The following GPBP1L1 variants were observed in gnomAD, a reference collection of about 807,000 sequenced individuals.
GPBP1L1 encodes the protein GC-rich promoter binding protein 1 like 1.
In GPBP1L1, 23 loss-of-function variants were observed where a neutral mutation model predicts 52.5. The observed-to-expected ratio is 0.44, with a 90% CI of 0.32 to 0.62. The LOEUF (loss-of-function observed/expected upper bound fraction) is 0.62, where lower values mean the gene tolerates loss of function less well. Ranked by LOEUF, GPBP1L1 falls within the 20% of genes least tolerant of loss-of-function variation. The pLI, the probability that GPBP1L1 is intolerant of heterozygous loss-of-function variation, is 0.06. For missense variants in GPBP1L1, 596 were observed against 579.3 expected, an observed-to-expected ratio of 1.03 and a Z score of -0.30; for synonymous variants, 243 against 203.1, an observed-to-expected ratio of 1.20 and a Z score of -1.67.
At chr1:45,678,601 CTAAATA>C in intron 2 of GPBP1L1, among the ~76,000 whole-genome samples, 1 of 152,046 alleles carries the variant, frequency 6.6e-6, no homozygotes, top group East Asian at 1.9e-4. Flanking sequence ...AAAGAACAAG[CTAAATA>C]ATACCATAAG....
intron 6 of GPBP1L1, chr1:45,651,114 TC>T: frequency 2.0e-6 from 1 of 503,948 alleles, no homozygotes; most frequent in Non-Finnish European, 3.9e-6. Flanking sequence ...GGACATTGCC[TC>T]CCCAGTGATG....
chr1:45,647,166 A>ATTTTTT (rs778113669), intron 6 of GPBP1L1, among the ~76,000 whole-genome samples: 17 of 112,632 alleles, frequency 1.5e-4, no homozygotes, highest in African/African-American at 2.4e-4. Flanking sequence ...ACTTCTTAGG[A>ATTTTTT]TTTTTTTTTT....
rs571416321 is a variant in GPBP1L1, at chr1:45,631,895, C to G, written c.1045-1289G>C. On this transcript the variant is annotated intron_variant, in intron 10 of 12. Transcript: ENST00000355105. ...TGATCATTAATGCCACTGCATTCAGCCTGGGCGACAGAGTGAGACACTGTC... is the reference window on the plus strand; with the variant it reads ...TGATCATTAATGCCACTGCATTCAGGCTGGGCGACAGAGTGAGACACTGTC... 2.0e-5 allele frequency among the ~76,000 whole-genome samples: 3 copies of G among 152,134 alleles called. No homozygotes were observed. The South Asian group carries it at 6.2e-4, about 32-fold the overall frequency.
chr1:45,659,158 T>A lies in GPBP1L1; in HGVS notation c.-55-16A>T. 3 of 1,385,730 alleles carry A rather than the reference T, an allele frequency of 2.2e-6. No homozygotes were observed. The highest frequency in any genetic ancestry group is 3.1e-6 in the Non-Finnish European group (3 of 975,766). 85.8% of individuals were successfully genotyped at this position (1,385,730 alleles called of 1,614,324 possible). A position where few individuals can be genotyped will look rare whatever the true frequency, so the allele number is the denominator to read the frequency against. On this transcript the variant is annotated splice_polypyrimidine_tract_variant and intron_variant, in intron 3 of 12. Transcript: ENST00000355105. ...TGGCCAGGATCTGAAAACAAAACAATTCAAATCACTTATGTTTACAAGAAT... is the reference window on the plus strand; with the variant it reads ...TGGCCAGGATCTGAAAACAAAACAAATCAAATCACTTATGTTTACAAGAAT...
chr1:45,654,479 A>G, intron 6 of GPBP1L1, 64 bp downstream of exon 6: 1 of 1,381,006 alleles, frequency 7.2e-7, no homozygotes, highest in Middle Eastern at 2.0e-4. Context: ...CATTACTAAC[A>G]GGGTCTCATA....
rs1251011744 is a variant in GPBP1L1 at position 45,628,022 on chromosome 1, GAGTGTGTT to G, written c.*226_*233del. The stretch of plus-strand genomic sequence containing the variant: ...TGGGTGTGTATGTGTGTGTGTGTGT[GAGTGTGTT>G]TAAAAAATCTGTCCCACCACACAAA... On this transcript the variant is annotated 3_prime_UTR_variant, in exon 13 of 13. Transcript: ENST00000355105. The G allele has an allele frequency of 2.1e-6, 1 of 478,948 alleles. No individual in the cohort carries two copies. Among genetic ancestry groups the G allele is most frequent in the African/African-American group, 2.0e-5 (1 of 51,040 alleles). 29.7% of individuals were successfully genotyped at this position (478,948 alleles called of 1,614,324 possible).
At position 45,627,996 on chromosome 1, in the gene GPBP1L1, C is replaced by T; in HGVS notation, c.*260G>A. ...CTACCTGTGCATCGCCCCATATATACTGGGTGTGTATGTGTGTGTGTGTGT... is the reference window on the plus strand; with the variant it reads ...CTACCTGTGCATCGCCCCATATATATTGGGTGTGTATGTGTGTGTGTGTGT... On this transcript the variant is annotated 3_prime_UTR_variant, in exon 13 of 13. Transcript: ENST00000355105. 1 of 380,638 alleles carries T rather than the reference C, an allele frequency of 2.6e-6. No homozygotes were observed. Among genetic ancestry groups the T allele is most frequent in the Non-Finnish European group, 4.8e-6 (1 of 206,964 alleles). 23.6% of individuals were successfully genotyped at this position (380,638 alleles called of 1,614,324 possible). A position where few individuals can be genotyped will look rare whatever the true frequency, so the allele number is the denominator to read the frequency against.
intron 7 of GPBP1L1, among the ~76,000 whole-genome samples, chr1:45,641,012 C>T (rs1208951104): frequency 6.6e-6 from 1 of 151,804 alleles, no homozygotes; most frequent in East Asian, 1.9e-4. Flanking sequence ...CAGACCCTAA[C>T]TCAAAAAAAC....
intron 6 of GPBP1L1, among the ~76,000 whole-genome samples, chr1:45,647,841 G>A (rs1442962737): frequency 1.3e-5 from 2 of 152,126 alleles, no homozygotes; most frequent in South Asian, 2.1e-4. Context: ...TCAGCCCTGG[G>A]GTGGTGGTAG....
chr1:45,660,871 C>A lies in GPBP1L1; in HGVS notation c.-743G>T, dbSNP rs1644939698. The A allele has an allele frequency of 6.6e-6, 1 of 152,138 alleles. No homozygotes were observed. The highest frequency in any genetic ancestry group is 1.5e-5 in the Non-Finnish European group (1 of 68,034). 9.4% of individuals were successfully genotyped at this position (152,138 alleles called of 1,614,324 possible). A position where few individuals can be genotyped will look rare whatever the true frequency, so the allele number is the denominator to read the frequency against. The stretch of plus-strand genomic sequence containing the variant: ...TAAAAATAGACAGGAATTTGCTACA[C>A]TTTTCCCTCCACGAACAGCAGCTTT... On this transcript the variant is annotated 5_prime_UTR_variant, in exon 3 of 13. Transcript: ENST00000355105.
chr1:45,676,710 CAA>C (rs1189531708), intron 2 of GPBP1L1, among the ~76,000 whole-genome samples: 22 of 63,262 alleles, frequency 3.5e-4, no homozygotes, highest in African/African-American at 6.1e-4. Flanking sequence ...AACTCTGTCT[CAA>C]AAAAAAAAAA....
intron 8 of GPBP1L1, 49 bp downstream of exon 8, chr1:45,640,161 T>C: frequency 6.9e-7 from 1 of 1,442,016 alleles, no homozygotes; most frequent in Non-Finnish European, 9.5e-7. Context: ...TCCTGATTTA[T>C]TCCCAAACCT....
chr1:45,674,439 C>T (rs1645114641), intron 2 of GPBP1L1, among the ~76,000 whole-genome samples: 1 of 152,216 alleles, frequency 6.6e-6, no homozygotes, highest in South Asian at 2.1e-4. Flanking sequence ...CAGAGAGCAG[C>T]AATGAGTGAC....
chr1:45,675,437 G>C (rs1208834508), intron 2 of GPBP1L1, among the ~76,000 whole-genome samples: 1 of 152,180 alleles, frequency 6.6e-6, no homozygotes, highest in African/African-American at 2.4e-5. Flanking sequence ...TAATAGCAAA[G>C]GTGATTATCT....
intron 2 of GPBP1L1, among the ~76,000 whole-genome samples, chr1:45,681,623 A>T (rs2148522290): frequency 6.6e-6 from 1 of 152,378 alleles, no homozygotes; most frequent in South Asian, 2.1e-4. Flanking sequence ...TGTTCATTAA[A>T]GACAACTTCT....
chr1:45,672,222 A>G (rs866586437), intron 2 of GPBP1L1, among the ~76,000 whole-genome samples: 2 of 151,910 alleles, frequency 1.3e-5, no homozygotes, highest in Middle Eastern at 3.4e-3. Context: ...TTAGCTGGGC[A>G]TGGTGGCCAG....
intron 5 of GPBP1L1, 86 bp from the exon 6 acceptor site, chr1:45,654,915 G>T: frequency 7.6e-7 from 1 of 1,310,138 alleles, no homozygotes; most frequent in Non-Finnish European, 1.0e-6. Context: ...AGGAGACCTC[G>T]TTAATAAAAA....
In GPBP1L1 at chr1:45,627,672, CACA is replaced by C. The variant is rs768555720; in HGVS notation, c.*581_*583del. 1.1e-4 allele frequency: 16 copies of C among 150,364 alleles called. No homozygotes were observed. The highest frequency in any genetic ancestry group is 9.7e-4 in the East Asian group (5 of 5,140). The allele number at this position is 150,364 out of a possible 1,614,324, so 9.3% of individuals were successfully genotyped here. A position where few individuals can be genotyped will look rare whatever the true frequency, so the allele number is the denominator to read the frequency against. ...CTGAATATCAAGGCTGCAAGAATAA[CACA>C]ACATTTCCTATATCCAAATATTTTA... On this transcript the variant is annotated 3_prime_UTR_variant, in exon 13 of 13. Coordinates refer to ENST00000355105, the MANE Select transcript of GPBP1L1 (RefSeq NM_021639.5).
chr1:45,655,072 T>C, intron 5 of GPBP1L1, 118 bp downstream of exon 5: 1 of 1,332,000 alleles, frequency 7.5e-7, no homozygotes, highest in Non-Finnish European at 1.1e-6. Context: ...CTAGAGAATC[T>C]AAATGAAAAC....
Sources: gnomAD v4.1 joint callset for allele counts (sites outside exome capture counted in the v4.1 genomes callset) on GRCh38, gnomAD v4.1.1 for gene constraint, MANE v1.5 for transcripts, NCBI Gene and HGNC (gene_info 2026-07-23, HGNC 2026-07-21) for gene names.